DYM: variants seen among roughly 807,000 people sequenced by gnomAD.
The protein encoded by DYM is dymeclin.
Under a neutral mutation model 93.1 loss-of-function variants are expected in DYM, and 78 were observed. The observed-to-expected ratio is 0.84, with a 90% confidence interval of 0.70 to 1.01. The LOEUF (loss-of-function observed/expected upper bound fraction) is 1.01, where lower values mean the gene tolerates loss of function less well. Ranked by LOEUF, DYM falls within the 50% of genes least tolerant of loss-of-function variation. DYM has a pLI of 0.00. For synonymous variants in DYM, 321 were observed against 319.7 expected, an observed-to-expected ratio of 1.00 and a Z score of -0.04; for missense variants, 789 against 845.0, an observed-to-expected ratio of 0.93 and a Z score of 0.82.
chr18:49,118,219 C>A (rs939597170), intron 16 of DYM, among the ~76,000 whole-genome samples: 1 of 151,752 alleles, frequency 6.6e-6, no homozygotes, highest in Admixed American at 6.6e-5. Context: ...AATTTGGCAA[C>A]CTGTGTTGAA....
rs1288424750 is a variant in DYM at position 49,441,310 on chromosome 18, TA to T, written c.-53-10864del. Among the ~76,000 whole-genome samples, 20 of 29,086 alleles carry T rather than the reference TA, an allele frequency of 6.9e-4. 1 individual carries two copies. The highest frequency in any genetic ancestry group is 2.2e-3 in the African/African-American group (11 of 4,946). The allele number at this position is 29,086 out of a possible 152,430, so 19.1% of individuals were successfully genotyped here. ...TATATATAATATAATTATATATAAT[TA>T]ATATATAATTATATATAATATAATT... On this transcript the variant is annotated intron_variant, in intron 1 of 17. Coordinates refer to ENST00000675505, the MANE Select transcript of DYM (RefSeq NM_001353214.3).
intron 2 of DYM, chr18:49,418,111 T>G (rs993154493): frequency 6.9e-6 from 1 of 144,822 alleles, no homozygotes; most frequent in Non-Finnish European, 1.5e-5. Flanking sequence ...AGAGACATCA[T>G]ATATCCAGCT....
chr18:49,221,867 T>G (rs957023740), intron 13 of DYM, among the ~76,000 whole-genome samples: 1 of 152,016 alleles, frequency 6.6e-6, no homozygotes. Flanking sequence ...GTAACTAAGC[T>G]GCACATTGTG....
intron 2 of DYM, among the ~76,000 whole-genome samples, chr18:49,399,819 T>C (rs550916284): frequency 1.3e-5 from 2 of 152,272 alleles, no homozygotes; most frequent in African/African-American, 2.4e-5. Context: ...GACAGAATTA[T>C]TTCCCCTGGC....
intron 8 of DYM, among the ~76,000 whole-genome samples, chr18:49,298,486 CAG>C (rs1427483424): frequency 1.3e-5 from 2 of 151,020 alleles, no homozygotes; most frequent in African/African-American, 4.9e-5. Context: ...GAGGCTGAGA[CAG>C]GAGAATTGCT....
chr18:49,310,653 A>G (rs2061536021), intron 8 of DYM, among the ~76,000 whole-genome samples: 1 of 152,192 alleles, frequency 6.6e-6, no homozygotes, highest in African/African-American at 2.4e-5. Flanking sequence ...GTATATACTC[A>G]TATCTGTATT....
rs556044449 is a variant in DYM, at chr18:49,217,716, T to C, written c.1461-8001A>G. Among the ~76,000 whole-genome samples, 204 of 152,308 alleles carry C rather than the reference T, an allele frequency of 1.3e-3. 1 individual carries two copies. Among genetic ancestry groups the C allele is most frequent in the African/African-American group, 4.5e-3 (188 of 41,552 alleles). Reference sequence around the variant, plus strand: ...GACAAGCAAATGCTGAGAGATTTTCTCACCACCAGGCCTGCCCTAAAAGAG... The same window carrying C: ...GACAAGCAAATGCTGAGAGATTTTCCCACCACCAGGCCTGCCCTAAAAGAG... On this transcript the variant is annotated intron_variant, in intron 13 of 17. Transcript: ENST00000675505.
intron 13 of DYM, among the ~76,000 whole-genome samples, chr18:49,242,150 G>A (rs771130390): frequency 1.3e-5 from 2 of 152,190 alleles, no homozygotes; most frequent in South Asian, 4.1e-4. Context: ...AGTGGCTCAC[G>A]GGTGTAATCC....
chr18:49,379,781 A>T, intron 3 of DYM, 23 bp from the exon 4 acceptor site: 1 of 1,567,870 alleles, frequency 6.4e-7, no homozygotes, highest in Non-Finnish European at 8.8e-7. Flanking sequence ...AAAAGGTTTT[A>T]AAAAGTTAAA....
At chr18:49,248,690 C>T (rs2094220613) in intron 13 of DYM, among the ~76,000 whole-genome samples, 1 of 151,028 alleles carries the variant, frequency 6.6e-6, no homozygotes, top group African/African-American at 2.4e-5. Flanking sequence ...CATTCGTCTG[C>T]AATAAAAACA....
intron 6 of DYM, among the ~76,000 whole-genome samples, chr18:49,339,684 C>T (rs1385971268): frequency 6.6e-6 from 1 of 152,194 alleles, no homozygotes; most frequent in Non-Finnish European, 1.5e-5. Flanking sequence ...ACTACAACTT[C>T]ATGTGACACC....
intron 17 of DYM, among the ~76,000 whole-genome samples, chr18:49,050,489 A>G (rs1038853034): frequency 1.3e-5 from 2 of 152,144 alleles, no homozygotes; most frequent in African/African-American, 4.8e-5. Context: ...AACTTCTGCA[A>G]TGTATGTGAC....
intron 13 of DYM, among the ~76,000 whole-genome samples, chr18:49,225,831 T>C (rs1414262992): frequency 6.6e-6 from 1 of 152,122 alleles, no homozygotes; most frequent in Non-Finnish European, 1.5e-5. Context: ...TGTAGAAACA[T>C]AAATAACAGC....
chr18:49,271,769 T>C (rs1040622449), intron 11 of DYM, among the ~76,000 whole-genome samples: 8 of 152,060 alleles, frequency 5.3e-5, no homozygotes, highest in Non-Finnish European at 1.0e-4. Context: ...AATTATGTTA[T>C]GTTCTTTAAA....
At chr18:49,393,263 T>C (rs1165503411) in intron 2 of DYM, among the ~76,000 whole-genome samples, 2 of 152,080 alleles carry the variant, frequency 1.3e-5, no homozygotes, top group Non-Finnish European at 2.9e-5. Flanking sequence ...GGCAAAAATA[T>C]GGCAGTTCCT....
chr18:49,086,378 C>A (rs1285293282), intron 17 of DYM, among the ~76,000 whole-genome samples: 1 of 152,178 alleles, frequency 6.6e-6, no homozygotes, highest in Admixed American at 6.5e-5. Flanking sequence ...TCCCATGATA[C>A]CCATTAATCC....
intron 13 of DYM, among the ~76,000 whole-genome samples, chr18:49,240,486 G>A (rs988179884): frequency 1.3e-5 from 2 of 152,154 alleles, no homozygotes; most frequent in African/African-American, 4.8e-5. Context: ...GAATTATGCA[G>A]ATCTTCCAAA....
intron 13 of DYM, among the ~76,000 whole-genome samples, chr18:49,210,349 C>T (rs994918433): frequency 6.6e-6 from 1 of 152,054 alleles, no homozygotes; most frequent in Admixed American, 6.5e-5. Context: ...AACGGTGGTA[C>T]ATCTAGACGA....
chr18:49,154,193 C>G (rs1325596504), intron 15 of DYM, among the ~76,000 whole-genome samples: 1 of 152,002 alleles, frequency 6.6e-6, no homozygotes, highest in East Asian at 1.9e-4. Flanking sequence ...ACTTAGGAGA[C>G]ATGACAAGGA....
Sources: gnomAD v4.1 joint callset for allele counts (sites outside exome capture counted in the v4.1 genomes callset) on GRCh38, gnomAD v4.1.1 for gene constraint, MANE v1.5 for transcripts, NCBI Gene and HGNC (gene_info 2026-07-23, HGNC 2026-07-21) for gene names.